Variants in ABCD4 observed in about 807,000 individuals in gnomAD.
ABCD4 encodes the protein lysosomal cobalamin transporter ABCD4.
Under a neutral mutation model 86.3 loss-of-function variants are expected in ABCD4, and 53 were observed. That is an observed-to-expected ratio of 0.61 (90% CI 0.49 to 0.77). The LOEUF (loss-of-function observed/expected upper bound fraction) is 0.77, where lower values mean the gene tolerates loss of function less well. ABCD4 is among the 30% of genes least tolerant of loss of function. The pLI is 0.00. For missense variants in ABCD4, 757 were observed against 764.5 expected (o/e 0.99, Z 0.12); for synonymous variants, 328 against 313.6 (o/e 1.05, Z -0.49).
At chr14:74,296,890 G>A (rs1481495916) in intron 4 of ABCD4, 6 of 154,794 alleles carry the variant, frequency 3.9e-5, no homozygotes, top group Admixed American at 3.8e-4. Flanking sequence ...AGGCACACCT[G>A]TAGTCCCAGC....
chr14:74,291,446 T>A (rs767929059), intron 11 of ABCD4, among the ~76,000 whole-genome samples: 1 of 152,218 alleles, frequency 6.6e-6, no homozygotes, highest in African/African-American at 2.4e-5. Flanking sequence ...CAAATTCTAA[T>A]GCTGGTGGGT....
chr14:74,297,838 TCTC>T, intron 4 of ABCD4, 89 bp downstream of exon 4: 1 of 1,493,796 alleles, frequency 6.7e-7, no homozygotes, highest in Non-Finnish European at 8.9e-7. Flanking sequence ...CTGCAGATGA[TCTC>T]CTTGGTGTCT....
chr14:74,292,808 G>A lies in ABCD4; in HGVS notation c.876C>T (p.Pro292=). Residue 292 remains proline (P), a synonymous_variant, in exon 9 of 19, where the codon CCC becomes CCT. Coordinates refer to ENST00000356924, the MANE Select transcript of ABCD4 (RefSeq NM_005050.4). ...SILSYVVIAI[P]IFSGVYGDLS... ...GGTCTCCATAGACCCCGCTGAAAAT[G>A]GGGATTGCGATGACAACGTAACTCA... is the stretch of plus-strand genomic sequence containing the variant. 1 of 1,614,160 alleles carries A rather than the reference G, an allele frequency of 6.2e-7. No individual in the cohort carries two copies. The highest frequency in any genetic ancestry group is 1.3e-5 in the African/African-American group (1 of 75,044).
rs758591209 is a variant in ABCD4 at position 74,286,760 on chromosome 14, T to C, written c.1693A>G (p.Ile565Val). Residue 565 changes from isoleucine to valine, a missense_variant, in exon 18 of 19, where the codon ATC becomes GTC. Coordinates refer to ENST00000356924, the MANE Select transcript of ABCD4 (RefSeq NM_005050.4). ...TEEVESELYR[I>V]GQQLGMTFIS... ...AACGTCATCCCCAGCTGCTGGCCGA[T>C]GCGATAGAGCTCGCTCTCCACTTCC... 3.7e-6 allele frequency: 6 copies of C among 1,614,140 alleles called. No homozygotes were observed. Among genetic ancestry groups the C allele is most frequent in the Non-Finnish European group, 3.4e-6 (4 of 1,180,040 alleles).
chr14:74,292,872 G>A lies in ABCD4; in HGVS notation c.815-3C>T, dbSNP rs756435492. 8.1e-6 allele frequency: 13 copies of A among 1,614,016 alleles called. No individual in the cohort carries two copies. Among genetic ancestry groups the A allele is most frequent in the Middle Eastern group, 1.6e-4 (1 of 6,084 alleles). Reference sequence around the variant, plus strand: ...ATAGTCAAAGGTGTTGATGCCGACTGTAGAAAACACATCTGTGAGACACCC... The same window carrying A: ...ATAGTCAAAGGTGTTGATGCCGACTATAGAAAACACATCTGTGAGACACCC... On this transcript the variant is annotated splice_polypyrimidine_tract_variant and splice_region_variant and intron_variant, in intron 8 of 18. Coordinates refer to ENST00000356924, the MANE Select transcript of ABCD4 (RefSeq NM_005050.4).
At position 74,286,728 on chromosome 14, in the gene ABCD4, A is replaced by G. The variant is rs2079859324; in HGVS notation, c.1725T>C (p.Ser575=). ...TCTCAAGGCTCTGCCGATGTCCCAC[A>G]CTGATGAACGTCATCCCCAGCTGCT... The part of the protein sequence containing the change: ...IGQQLGMTFI[S]VGHRQSLEKF... The change falls in exon 18 of 19, where the codon AGT becomes AGC. Residue 575 remains serine, a synonymous_variant. Transcript: ENST00000356924. 1 of 1,613,998 alleles carries G rather than the reference A, an allele frequency of 6.2e-7. No homozygotes were observed. The highest frequency in any genetic ancestry group is 1.7e-5 in the Admixed American group (1 of 60,012).
intron 16 of ABCD4, 50 bp from the exon 17 acceptor site, chr14:74,287,936 G>A (rs1222468891): frequency 6.5e-6 from 10 of 1,528,166 alleles, no homozygotes; most frequent in Non-Finnish European, 8.1e-6. Context: ...AATATAGCTT[G>A]GCTTTTACCT....
intron 16 of ABCD4, 74 bp downstream of exon 16, chr14:74,288,133 T>C: frequency 6.5e-7 from 1 of 1,528,926 alleles, no homozygotes; most frequent in Non-Finnish European, 9.0e-7. Flanking sequence ...GCCGTTCCAT[T>C]CCTTGACAGG....
chr14:74,300,287 G>T lies in ABCD4; in HGVS notation c.39-19C>A. 6.5e-7 allele frequency: 1 copy of T among 1,543,534 alleles called. No individual in the cohort carries two copies. Among genetic ancestry groups the T allele is most frequent in the Non-Finnish European group, 9.0e-7 (1 of 1,116,472 alleles). On this transcript the variant is annotated intron_variant, in intron 1 of 18. Transcript: ENST00000356924. Reference sequence around the variant, plus strand: ...CCTGGGCCTGAAGAGAAGGTGGGGAGGCAGAGAAAAGCCCAAGACAATAAT... The same window carrying T: ...CCTGGGCCTGAAGAGAAGGTGGGGATGCAGAGAAAAGCCCAAGACAATAAT...
chr14:74,299,425 G>C, intron 3 of ABCD4, 123 bp downstream of exon 3: 1 of 1,273,560 alleles, frequency 7.9e-7, no homozygotes, highest in South Asian at 1.4e-5. Context: ...TTAGTTCCCA[G>C]AAAAGGGAGG....
intron 15 of ABCD4, 91 bp downstream of exon 15, chr14:74,288,625 T>C (rs989036256): frequency 3.5e-6 from 5 of 1,448,314 alleles, no homozygotes; most frequent in Non-Finnish European, 4.8e-6. Context: ...CTTCCAGTCC[T>C]GGGCCCAAGC....
chr14:74,301,091 T>A (rs1227728509), intron 1 of ABCD4, among the ~76,000 whole-genome samples: 5 of 151,532 alleles, frequency 3.3e-5, no homozygotes, highest in Non-Finnish European at 7.4e-5. Flanking sequence ...TGACCTCCGG[T>A]GATCCACCTG....
chr14:74,293,052 C>T (rs375497690), intron 8 of ABCD4, 102 bp downstream of exon 8: 2 of 1,458,886 alleles, frequency 1.4e-6, no homozygotes, highest in East Asian at 4.6e-5. Context: ...ATTCCTTCAT[C>T]ATGGCACATT....
Position 74,295,202 on chromosome 14 carries a change from G to A in ABCD4, c.669-4C>T, listed in dbSNP as rs558957285. 4.3e-6 allele frequency: 7 copies of A among 1,614,216 alleles called. No homozygotes were observed. Among genetic ancestry groups the A allele is most frequent in the Non-Finnish European group, 5.9e-6 (7 of 1,180,034 alleles). On this transcript the variant is annotated splice_polypyrimidine_tract_variant and splice_region_variant and intron_variant, in intron 6 of 18. Transcript: ENST00000356924. The stretch of plus-strand genomic sequence containing the variant: ...CCGAATCTGCATGTGCTTGAACCTG[G>A]GCGGACCAAAGGGAAATGTGTGCTG...
At position 74,286,768 on chromosome 14, in the gene ABCD4, A is replaced by T. The variant is rs781486459; in HGVS notation, c.1685T>A (p.Leu562His). The change falls in exon 18 of 19, where the codon CTC becomes CAC. Residue 562 changes from leucine (L) to histidine (H), a missense_variant. Coordinates refer to ENST00000356924, the MANE Select transcript of ABCD4 (RefSeq NM_005050.4). ...CCCCAGCTGCTGGCCGATGCGATAG[A>T]GCTCGCTCTCCACTTCCTCTGTCAG... ...SALTEEVESE[L>H]YRIGQQLGMT... The T allele has an allele frequency of 1.9e-6, 3 of 1,613,936 alleles. No individual in the cohort carries two copies. In the East Asian group the frequency reaches 6.7e-5, roughly 36 times the overall value.
At chr14:74,302,645 G>A (rs2140166681) in intron 1 of ABCD4, among the ~76,000 whole-genome samples, 1 of 152,362 alleles carries the variant, frequency 6.6e-6, no homozygotes, top group East Asian at 1.9e-4. Flanking sequence ...GTCCCACACC[G>A]CAGGAGATGG....
chr14:74,289,925 T>G, intron 13 of ABCD4, 102 bp downstream of exon 13: 2 of 1,574,790 alleles, frequency 1.3e-6, no homozygotes, highest in Admixed American at 3.7e-5. Flanking sequence ...CCTCACCTTT[T>G]GCCCTGACTC....
chr14:74,287,337 C>A (rs1214423953), intron 17 of ABCD4, among the ~76,000 whole-genome samples: 1 of 152,042 alleles, frequency 6.6e-6, no homozygotes, highest in Non-Finnish European at 1.5e-5. Context: ...TGGCCTGAGT[C>A]CAGGAACTCC....
Position 74,292,754 on chromosome 14 carries a change from G to A in ABCD4, c.930C>T (p.Val310=), listed in dbSNP as rs995719705. 5.0e-6 allele frequency: 8 copies of A among 1,613,908 alleles called. No individual in the cohort carries two copies. In the Admixed American group the frequency reaches 1.0e-4, roughly 20 times the overall value. Residue 310 remains valine (V), a synonymous_variant, in exon 9 of 19, where the codon GTC becomes GTT. Coordinates refer to ENST00000356924, the MANE Select transcript of ABCD4 (RefSeq NM_005050.4). The stretch of plus-strand genomic sequence containing the variant: ...GACCAAGAGGGAGTCTCACCTTGCT[G>A]ACCAGGGTGCTAAGCTCTGCGGGAC... ...DLSPAELSTL[V]SKNAFVCIYL...
Sources: allele counts gnomAD v4.1 joint callset (sites outside exome capture counted in the v4.1 genomes callset), GRCh38; gene constraint gnomAD v4.1.1; transcripts MANE v1.5; gene names NCBI Gene and HGNC (gene_info 2026-07-23, HGNC 2026-07-21).